Variants in SH3RF3 observed in about 807,000 individuals in gnomAD.
The protein encoded by SH3RF3 is SH3 domain containing ring finger 3, also known as E3 ubiquitin-protein ligase SH3RF3.
SH3RF3 carries 29 observed loss-of-function variants against 66.3 expected under a neutral mutation model. The ratio of observed to expected loss-of-function variants is 0.44; its 90% CI spans 0.33 to 0.60. The LOEUF (loss-of-function observed/expected upper bound fraction) is 0.60, where lower values mean the gene tolerates loss of function less well. SH3RF3 is among the 20% of genes least tolerant of loss of function. The pLI is 0.04. For synonymous variants in SH3RF3, 583 were observed against 532.0 expected, an observed-to-expected ratio of 1.10 and a Z score of -1.32; for missense variants, 1,194 against 1,190.9, an observed-to-expected ratio of 1.00 and a Z score of -0.04.
At chr2:109,274,418 G>C (rs1387704630) in intron 1 of SH3RF3, among the ~76,000 whole-genome samples, 3 of 152,204 alleles carry the variant, frequency 2.0e-5, no homozygotes, top group African/African-American at 7.2e-5. Context: ...TAAACAAAAT[G>C]TGGCCTGTGC....
At chr2:109,136,017 A>G (rs560854155) in intron 1 of SH3RF3, among the ~76,000 whole-genome samples, 4 of 152,292 alleles carry the variant, frequency 2.6e-5, no homozygotes, top group Non-Finnish European at 4.4e-5. Flanking sequence ...GCTTGTCTAC[A>G]GCTGCCTAGA....
In SH3RF3 at chr2:109,390,646, G is replaced by A. The variant is rs569277971; in HGVS notation, c.946-7944G>A. Among the ~76,000 whole-genome samples, 25 of 152,296 alleles carry A rather than the reference G, an allele frequency of 1.6e-4. 1 individual carries two copies. The highest frequency in any genetic ancestry group is 5.8e-4 in the African/African-American group (24 of 41,564). On this transcript the variant is annotated intron_variant, in intron 3 of 9. Transcript: ENST00000309415. ...ATGACAAAGGTGCAAGTGGGGGTGC[G>A]GTCGGCATTTCTGGTTCTGCTGGCG...
intron 1 of SH3RF3, among the ~76,000 whole-genome samples, chr2:109,208,088 C>T (rs968624786): frequency 2.7e-5 from 4 of 150,300 alleles, no homozygotes; most frequent in Non-Finnish European, 5.9e-5. Context: ...GTGCTGGGCA[C>T]AGTGCTGGGC....
chr2:109,226,805 A>C (rs1390573916), intron 1 of SH3RF3, among the ~76,000 whole-genome samples: 2 of 152,226 alleles, frequency 1.3e-5, no homozygotes, highest in Non-Finnish European at 2.9e-5. Flanking sequence ...CTTAGTAAGA[A>C]GAACAGCTGG....
At chr2:109,186,366 T>C (rs992602296) in intron 1 of SH3RF3, among the ~76,000 whole-genome samples, 1 of 152,188 alleles carries the variant, frequency 6.6e-6, no homozygotes, top group African/African-American at 2.4e-5. Flanking sequence ...AAGTTGAGTA[T>C]CTTGTGTGAG....
chr2:109,401,452 A>AG (rs1305777786), intron 4 of SH3RF3, among the ~76,000 whole-genome samples: 1 of 152,204 alleles, frequency 6.6e-6, no homozygotes, highest in Non-Finnish European at 1.5e-5. Flanking sequence ...AACCAGAGGG[A>AG]GGGCCCTTCT....
intron 1 of SH3RF3, among the ~76,000 whole-genome samples, chr2:109,218,197 C>T (rs1024234270): frequency 6.6e-6 from 1 of 151,816 alleles, no homozygotes; most frequent in Non-Finnish European, 1.5e-5. Flanking sequence ...TTCTGAGGCA[C>T]GTGACAAAAT....
In SH3RF3 at chr2:109,432,816, C is replaced by T. The variant is rs542507275; in HGVS notation, c.1574+145C>T. The stretch of plus-strand genomic sequence containing the variant: ...GTGCCCAGGGTTCAGCCCCCACTGG[C>T]GTCCCCAGGCCCACATTTCACCTTC... On this transcript the variant is annotated intron_variant, in intron 6 of 9. Coordinates refer to ENST00000309415, the MANE Select transcript of SH3RF3 (RefSeq NM_001099289.3). The T allele has an allele frequency of 2.9e-5, 33 of 1,140,426 alleles. No individual in the cohort carries two copies. In the Admixed American group the frequency reaches 4.7e-4, roughly 16 times the overall value. 70.6% of individuals were successfully genotyped at this position (1,140,426 alleles called of 1,614,324 possible).
chr2:109,332,006 G>C (rs1306205692), intron 1 of SH3RF3, among the ~76,000 whole-genome samples: 1 of 152,180 alleles, frequency 6.6e-6, no homozygotes, highest in Admixed American at 6.5e-5. Context: ...TGCCGGCTGA[G>C]CCTGGGAGCA....
intron 8 of SH3RF3, among the ~76,000 whole-genome samples, chr2:109,472,933 T>C (rs1559102136): frequency 6.6e-6 from 1 of 152,190 alleles, no homozygotes; most frequent in African/African-American, 2.4e-5. Context: ...CCTAATCTCC[T>C]TTGAAGCAAT....
chr2:109,341,990 A>G (rs1347108934), intron 1 of SH3RF3, among the ~76,000 whole-genome samples: 1 of 152,200 alleles, frequency 6.6e-6, no homozygotes, highest in Admixed American at 6.5e-5. Flanking sequence ...CAGACCCCGC[A>G]GTGCTTGGTG....
intron 8 of SH3RF3, among the ~76,000 whole-genome samples, chr2:109,489,074 G>C (rs557593051): frequency 1.3e-5 from 2 of 152,360 alleles, no homozygotes; most frequent in African/African-American, 4.8e-5. Flanking sequence ...AAAGTGGGGA[G>C]CGAAGGCCGA....
intron 1 of SH3RF3, among the ~76,000 whole-genome samples, chr2:109,240,860 C>G (rs1679763758): frequency 6.6e-6 from 1 of 150,574 alleles, no homozygotes; most frequent in Non-Finnish European, 1.5e-5. Flanking sequence ...CCACCCCTGC[C>G]CTTGGGAACT....
rs373242749 is a variant in SH3RF3, at chr2:109,163,449, AG to A, written c.573+33337del. ...AGTCTCGCTCTGTCGCCCAGGCTGG[AG>A]TGCAGTGGCGGGATCTCGGCTCACT... On this transcript the variant is annotated intron_variant, in intron 1 of 9. Transcript: ENST00000309415. Among the ~76,000 whole-genome samples the A allele has an allele frequency of 4.3e-3, 468 of 109,614 alleles. 19 individuals carry two copies. The East Asian group carries it at 0.12, about 27-fold the overall frequency. The allele number at this position is 109,614 out of a possible 152,430, so 71.9% of individuals were successfully genotyped here.
chr2:109,488,276 T>A (rs1257316783), intron 8 of SH3RF3, among the ~76,000 whole-genome samples: 5 of 152,166 alleles, frequency 3.3e-5, no homozygotes, highest in African/African-American at 1.2e-4. Flanking sequence ...CCAACATCCC[T>A]GGGATCTGCC....
chr2:109,496,075 C>T (rs1679253703), intron 9 of SH3RF3, among the ~76,000 whole-genome samples: 1 of 152,168 alleles, frequency 6.6e-6, no homozygotes, highest in African/African-American at 2.4e-5. Flanking sequence ...GGGTGGCCAG[C>T]TTTTATTCCC....
intron 8 of SH3RF3, among the ~76,000 whole-genome samples, chr2:109,453,279 GC>G (rs1677939957): frequency 6.6e-6 from 1 of 152,208 alleles, no homozygotes; most frequent in Non-Finnish European, 1.5e-5. Flanking sequence ...TGCAGGGGCT[GC>G]CCTGTGGCCA....
At chr2:109,469,275 G>A (rs1432418728) in intron 8 of SH3RF3, among the ~76,000 whole-genome samples, 2 of 152,228 alleles carry the variant, frequency 1.3e-5, no homozygotes, top group Non-Finnish European at 2.9e-5. Flanking sequence ...GGATCTAACA[G>A]CCCTAAAGAC....
chr2:109,439,583 C>T (rs762731585), intron 7 of SH3RF3, among the ~76,000 whole-genome samples: 7 of 152,120 alleles, frequency 4.6e-5, no homozygotes, highest in Admixed American at 1.3e-4. Context: ...ATTGCATTGG[C>T]CATAGCATCC....
Sources: allele counts gnomAD v4.1 joint callset (sites outside exome capture counted in the v4.1 genomes callset), GRCh38; gene constraint gnomAD v4.1.1; transcripts MANE v1.5; gene names NCBI Gene and HGNC (gene_info 2026-07-23, HGNC 2026-07-21).